Variants in ACTR3C observed in about 807,000 individuals in gnomAD.
ACTR3C encodes the protein actin-related protein 3C.
A neutral mutation model predicts 26.3 loss-of-function variants in ACTR3C; 18 were observed. The ratio of observed to expected loss-of-function variants is 0.68; its 90% CI spans 0.47 to 1.01. ACTR3C has a LOEUF of 1.01. Among genes scored for constraint, ACTR3C ranks in the 50% least tolerant of loss-of-function variants. ACTR3C has a pLI of 0.00. For synonymous variants in ACTR3C, 55 were observed against 94.5 expected, an observed-to-expected ratio of 0.58 and a Z score of 2.42; for missense variants, 184 against 250.7, an observed-to-expected ratio of 0.73 and a Z score of 1.80.
chr7:150,282,579 CA>C (rs931278214), intron 6 of ACTR3C, among the ~76,000 whole-genome samples: 3 of 143,564 alleles, frequency 2.1e-5, no homozygotes, highest in African/African-American at 8.5e-5. Context: ...AGGTCCTGTT[CA>C]AAAAAACCAA....
chr7:150,039,858 A>G, the ACTR3C span, among the ~76,000 whole-genome samples: 76 of 79,048 alleles, frequency 9.6e-4, no homozygotes, highest in Middle Eastern at 0.012. Flanking sequence ...CTAAGAGCAA[A>G]GGGGGGAAGA....
At chr7:150,225,614 A>T in the ACTR3C span, among the ~76,000 whole-genome samples, 1 of 152,358 alleles carries the variant, frequency 6.6e-6, no homozygotes, top group Admixed American at 6.5e-5. Flanking sequence ...TGTGTCTTAC[A>T]GACTCAACTC....
At chr7:150,034,540 A>G in the ACTR3C span, among the ~76,000 whole-genome samples, 29 of 151,672 alleles carry the variant, frequency 1.9e-4, no homozygotes, top group South Asian at 1.5e-3. Context: ...CACAGTCTAC[A>G]AAATCCCACA....
chr7:150,150,671 T>C, the ACTR3C span, among the ~76,000 whole-genome samples: 1 of 139,328 alleles, frequency 7.2e-6, no homozygotes, highest in Non-Finnish European at 1.6e-5. Context: ...ATAAACATAG[T>C]TCCTTTTGGG....
At chr7:150,078,119 A>G in the ACTR3C span, among the ~76,000 whole-genome samples, 6 of 152,214 alleles carry the variant, frequency 3.9e-5, no homozygotes, top group Non-Finnish European at 8.8e-5. Context: ...CATTGCCTAG[A>G]ACTCTTTTCT....
the ACTR3C span, among the ~76,000 whole-genome samples, chr7:150,128,906 C>G: frequency 6.6e-6 from 1 of 151,442 alleles, no homozygotes; most frequent in African/African-American, 2.4e-5. Context: ...GAGAAAGCTT[C>G]CAGACCACAG....
intron 1 of ACTR3C, among the ~76,000 whole-genome samples, chr7:150,315,008 A>ATTTTT (rs1796712689): frequency 6.8e-6 from 1 of 147,036 alleles, no homozygotes; most frequent in Non-Finnish European, 1.5e-5. Context: ...AAATATTATT[A>ATTTTT]AATAATAAAA....
At chr7:149,944,863 AG>A in the ACTR3C span, among the ~76,000 whole-genome samples, 2 of 151,634 alleles carry the variant, frequency 1.3e-5, no homozygotes, top group African/African-American at 4.9e-5. Flanking sequence ...GTTTCTGTGG[AG>A]AACCCCAGGC....
At chr7:149,977,176 A>G in the ACTR3C span, among the ~76,000 whole-genome samples, 1 of 152,064 alleles carries the variant, frequency 6.6e-6, no homozygotes, top group Non-Finnish European at 1.5e-5. Context: ...GCATCTAATT[A>G]TGTCCCTTTT....
the ACTR3C span, among the ~76,000 whole-genome samples, chr7:149,995,069 T>A: frequency 6.6e-6 from 1 of 151,508 alleles, no homozygotes; most frequent in East Asian, 2.0e-4. Context: ...TGACCAGGCT[T>A]GTCTACAACT....
chr7:149,945,058 ATGT>A, the ACTR3C span, among the ~76,000 whole-genome samples: 56 of 151,858 alleles, frequency 3.7e-4, no homozygotes, highest in African/African-American at 1.3e-3. Flanking sequence ...CCCCAGGGAA[ATGT>A]TGTTGTTGCC....
the ACTR3C span, among the ~76,000 whole-genome samples, chr7:149,963,139 C>G: frequency 4.6e-5 from 7 of 152,198 alleles, no homozygotes; most frequent in African/African-American, 1.4e-4. Flanking sequence ...TCTCTGCCTC[C>G]CTGGGATGAC....
chr7:150,129,009 T>C, the ACTR3C span, among the ~76,000 whole-genome samples: 90 of 151,040 alleles, frequency 6.0e-4, no homozygotes, highest in African/African-American at 2.2e-3. Flanking sequence ...CTAGACGTTA[T>C]GGAGCAGGGT....
At chr7:149,895,058 T>A in the ACTR3C span, among the ~76,000 whole-genome samples, 2 of 146,888 alleles carry the variant, frequency 1.4e-5, no homozygotes, top group Non-Finnish European at 3.0e-5. Context: ...TTCAGCCATT[T>A]AAAAAAAAAA....
At chr7:150,009,532 G>C in the ACTR3C span, among the ~76,000 whole-genome samples, 11 of 152,256 alleles carry the variant, frequency 7.2e-5, no homozygotes, top group African/African-American at 2.6e-4. Context: ...AGTAGCTTTG[G>C]GTAATAAATA....
At chr7:150,112,591 C>A in the ACTR3C span, among the ~76,000 whole-genome samples, 1 of 152,194 alleles carries the variant, frequency 6.6e-6, no homozygotes, top group East Asian at 1.9e-4. Context: ...GCAAAAGGCG[C>A]CAGCTTCTTG....
the ACTR3C span, among the ~76,000 whole-genome samples, chr7:149,899,911 A>AAG: frequency 6.8e-6 from 1 of 147,866 alleles, no homozygotes; most frequent in Non-Finnish European, 1.5e-5. Flanking sequence ...CAAAAAAAAA[A>AAG]AAAAATTCAG....
the ACTR3C span, among the ~76,000 whole-genome samples, chr7:149,945,626 C>T: frequency 6.6e-6 from 1 of 151,916 alleles, no homozygotes; most frequent in African/African-American, 2.4e-5. Context: ...AGGAGGTGAC[C>T]TGGATGGATG....
At chr7:149,927,911 C>T in the ACTR3C span, among the ~76,000 whole-genome samples, 4 of 152,042 alleles carry the variant, frequency 2.6e-5, no homozygotes, top group African/African-American at 4.8e-5. Flanking sequence ...ATAAATTACC[C>T]GGTGTGTGGT....
Sources: allele counts gnomAD v4.1 joint callset (sites outside exome capture counted in the v4.1 genomes callset), GRCh38; gene constraint gnomAD v4.1.1; transcripts MANE v1.5; gene names NCBI Gene and HGNC (gene_info 2026-07-23, HGNC 2026-07-21).